Variants in METTL25 observed in about 807,000 individuals in gnomAD.
The protein encoded by METTL25 is methyltransferase like 25, also known as probable methyltransferase-like protein 25.
In METTL25, 64 loss-of-function variants were observed where a neutral mutation model predicts 71.6. The ratio of observed to expected loss-of-function variants is 0.89; its 90% CI spans 0.73 to 1.10. The LOEUF (loss-of-function observed/expected upper bound fraction) is 1.10, where lower values mean the gene tolerates loss of function less well. METTL25 is among the 50% of genes least tolerant of loss of function. The pLI, the probability that METTL25 is intolerant of heterozygous loss-of-function variation, is 0.00. For synonymous variants in METTL25, 287 were observed against 250.3 expected (o/e 1.15, Z -1.38); for missense variants, 807 against 707.0 (o/e 1.14, Z -1.60).
chr12:82,382,854 A>G (rs7294771), intron 1 of METTL25, among the ~76,000 whole-genome samples: 140,512 of 152,000 alleles, frequency 0.92, 65,260 homozygotes, highest in East Asian at 1. Flanking sequence ...GACTACAGGT[A>G]TATGCCACTG....
chr12:82,452,816 C>T (rs1891237473), intron 8 of METTL25, among the ~76,000 whole-genome samples: 1 of 151,774 alleles, frequency 6.6e-6, no homozygotes, highest in Non-Finnish European at 1.5e-5. Context: ...TCCCTTTTTT[C>T]TTGAGCCATG....
At chr12:82,416,737 T>C (rs1177207670) in intron 5 of METTL25, among the ~76,000 whole-genome samples, 1 of 152,136 alleles carries the variant, frequency 6.6e-6, no homozygotes, top group Non-Finnish European at 1.5e-5. Context: ...CCTCCCAAAA[T>C]GCTGGGATTA....
chr12:82,384,412 T>TC (rs1015183945), intron 1 of METTL25, among the ~76,000 whole-genome samples: 18 of 98,928 alleles, frequency 1.8e-4, no homozygotes, highest in Admixed American at 1.3e-4. Context: ...CCTCCCTCCC[T>TC]CCCCCCTCCC....
At chr12:82,469,609 G>A (rs1268564979) in intron 9 of METTL25, among the ~76,000 whole-genome samples, 1 of 152,000 alleles carries the variant, frequency 6.6e-6, no homozygotes, top group African/African-American at 2.4e-5. Context: ...TGCAATTCAA[G>A]ATGAGATTTG....
At chr12:82,370,157 C>T (rs1382967416) in intron 1 of METTL25, among the ~76,000 whole-genome samples, 1 of 152,144 alleles carries the variant, frequency 6.6e-6, no homozygotes, top group Non-Finnish European at 1.5e-5. Flanking sequence ...TTGTAGTGTC[C>T]TCCATAGGGG....
intron 4 of METTL25, among the ~76,000 whole-genome samples, chr12:82,401,376 C>G (rs1423269561): frequency 4.0e-5 from 6 of 151,830 alleles, no homozygotes. Flanking sequence ...AAAAAATGGA[C>G]AATGTTTTCT....
intron 1 of METTL25, among the ~76,000 whole-genome samples, chr12:82,381,625 A>G (rs1592614557): frequency 6.6e-6 from 1 of 152,352 alleles, no homozygotes; most frequent in East Asian, 1.9e-4. Context: ...GATTATGAAC[A>G]GACTCAAAAC....
chr12:82,469,369 G>A (rs971019810), intron 9 of METTL25, among the ~76,000 whole-genome samples: 1 of 152,018 alleles, frequency 6.6e-6, no homozygotes, highest in African/African-American at 2.4e-5. Flanking sequence ...TTAGGGCTGG[G>A]GAGTCTTCAG....
At chr12:82,361,496 G>A (rs1156601118) in intron 1 of METTL25, among the ~76,000 whole-genome samples, 1 of 152,108 alleles carries the variant, frequency 6.6e-6, no homozygotes, top group African/African-American at 2.4e-5. Context: ...CTTGGGCTAC[G>A]CAGGAGCCCA....
rs140329315 is a variant in METTL25 at position 82,369,435 on chromosome 12, G to A, written c.259+10611G>A. The A allele has an allele frequency of 1.4e-4, 63 of 449,610 alleles. 1 individual carries two copies. In the East Asian group the frequency reaches 3.2e-3, roughly 23 times the overall value. 27.9% of individuals were successfully genotyped at this position (449,610 alleles called of 1,614,324 possible). A position where few individuals can be genotyped will look rare whatever the true frequency, so the allele number is the denominator to read the frequency against. On this transcript the variant is annotated intron_variant, in intron 1 of 11. Transcript: ENST00000248306. ...CAAGAATGAAGCCACGGACCTTTGCGGTGACTGTTACAGCTCTTAAAGATG... is the reference window on the plus strand; with the variant it reads ...CAAGAATGAAGCCACGGACCTTTGCAGTGACTGTTACAGCTCTTAAAGATG...
chr12:82,399,201 C>G lies in METTL25; in HGVS notation c.938C>G (p.Ser313Cys). The G allele has an allele frequency of 6.2e-7, 1 of 1,613,146 alleles. No homozygotes were observed. The change falls in exon 4 of 12, where the codon TCT becomes TGT. Residue 313 changes from serine (S) to cysteine (C), a missense_variant. Transcript: ENST00000248306. ...AATTTGTGTTTTGAAAATTCCTTTT[C>G]TCTTATAAACCTTTTGCCTATTAAT... ...EENLCFENSF[S>C]LINLLPINAV...
chr12:82,383,130 G>T (rs951474692), intron 1 of METTL25, among the ~76,000 whole-genome samples: 12 of 152,068 alleles, frequency 7.9e-5, no homozygotes, highest in Non-Finnish European at 1.5e-4. Flanking sequence ...ATCTCTGCCA[G>T]AGGGAATACT....
chr12:82,456,962 A>G (rs556717472), intron 9 of METTL25, 142 bp downstream of exon 9: 2 of 402,454 alleles, frequency 5.0e-6, no homozygotes, highest in East Asian at 3.7e-5. Flanking sequence ...CAAGACCTCC[A>G]TCATCTTTTT....
intron 4 of METTL25, among the ~76,000 whole-genome samples, chr12:82,400,523 A>G (rs1265292393): frequency 6.6e-6 from 1 of 151,984 alleles, no homozygotes; most frequent in Non-Finnish European, 1.5e-5. Flanking sequence ...TTTCTTATAC[A>G]TGAAATTAGT....
intron 9 of METTL25, chr12:82,468,832 A>G (rs1030390880): frequency 2.0e-5 from 3 of 152,180 alleles, no homozygotes; most frequent in Non-Finnish European, 4.4e-5. Flanking sequence ...TGGAGATTAA[A>G]CCAGCCAGGA....
chr12:82,396,562 C>T lies in METTL25; in HGVS notation c.532-2233C>T, dbSNP rs988678852. Among the ~76,000 whole-genome samples the T allele has an allele frequency of 2.8e-4, 43 of 152,018 alleles. 1 individual carries two copies. Among genetic ancestry groups the T allele is most frequent in the Non-Finnish European group, 1.6e-4 (11 of 67,918 alleles). On this transcript the variant is annotated intron_variant, in intron 3 of 11. Coordinates refer to ENST00000248306, the MANE Select transcript of METTL25 (RefSeq NM_032230.3). ...GTTGTGATAGTATTTCCATAGTTCT[C>T]CATTTATTTTATGAAATGACATGGC...
Position 82,358,796 on chromosome 12 carries a change from C to T in METTL25, c.231C>T (p.Arg77=), listed in dbSNP as rs748223982. 8 of 1,613,264 alleles carry T rather than the reference C, an allele frequency of 5.0e-6. No homozygotes were observed. The highest frequency in any genetic ancestry group is 4.5e-5 in the East Asian group (2 of 44,876). The change falls in exon 1 of 12, where the codon CGC becomes CGT. Residue 77 remains arginine (R), a synonymous_variant. Coordinates refer to ENST00000248306, the MANE Select transcript of METTL25 (RefSeq NM_032230.3). ...SETEALPSET[R]PLVEAEWEAG... ...CGGAGGCCCTGCCCTCAGAGACGCG[C>T]CCCCTAGTGGAAGCAGAGTGGGAAG...
Position 82,438,950 on chromosome 12 carries a change from G to C in METTL25, c.1478+159G>C, listed in dbSNP as rs909240046. ...CAAGTACACAACAACTGTATCTTAG[G>C]TTAATTATCATTAAAGTGGGGGCTC... On this transcript the variant is annotated intron_variant, in intron 8 of 11. Coordinates refer to ENST00000248306, the MANE Select transcript of METTL25 (RefSeq NM_032230.3). 31 of 474,026 alleles carry C rather than the reference G, an allele frequency of 6.5e-5. No homozygotes were observed. In the East Asian group the frequency reaches 1.1e-3, roughly 17 times the overall value. The allele number at this position is 474,026 out of a possible 1,614,324, so 29.4% of individuals were successfully genotyped here.
chr12:82,460,943 A>G (rs1020135188), intron 9 of METTL25, among the ~76,000 whole-genome samples: 2 of 152,296 alleles, frequency 1.3e-5, no homozygotes, highest in African/African-American at 4.8e-5. Context: ...GGAGATGGAG[A>G]CCATCCTGGC....
Sources: allele counts gnomAD v4.1 joint callset (sites outside exome capture counted in the v4.1 genomes callset), GRCh38; gene constraint gnomAD v4.1.1; transcripts MANE v1.5; gene names NCBI Gene and HGNC (gene_info 2026-07-23, HGNC 2026-07-21).